The following AKAP19 variants were observed in gnomAD, a reference collection of about 807,000 sequenced individuals.
AKAP19 encodes the protein A-kinase anchoring protein 19, also known as small A-kinase anchoring protein.
At chr2:190,066,875 C>T in the AKAP19 span, among the ~76,000 whole-genome samples, 4 of 152,126 alleles carry the variant, frequency 2.6e-5, no homozygotes, top group African/African-American at 9.7e-5. Context: ...GTACCTGGCA[C>T]TATGCTAGAT....
At chr2:190,112,071 G>T in the AKAP19 span, among the ~76,000 whole-genome samples, 1 of 151,956 alleles carries the variant, frequency 6.6e-6, no homozygotes, top group South Asian at 2.1e-4. Flanking sequence ...CTGATTTTTT[G>T]TGTTTTTAGT....
chr2:190,196,008 T>C, the AKAP19 span, among the ~76,000 whole-genome samples: 1 of 144,822 alleles, frequency 6.9e-6, no homozygotes, highest in Non-Finnish European at 1.5e-5. Context: ...GAAAAGACTA[T>C]GTATGTGTGG....
the AKAP19 span, among the ~76,000 whole-genome samples, chr2:189,892,534 C>A: frequency 1.1e-4 from 16 of 152,138 alleles, no homozygotes; most frequent in African/African-American, 3.6e-4. Flanking sequence ...CATTCCAGAC[C>A]CTGTTTGCAT....
the AKAP19 span, among the ~76,000 whole-genome samples, chr2:190,148,606 G>C: frequency 5.3e-5 from 8 of 152,128 alleles, no homozygotes; most frequent in Non-Finnish European, 1.0e-4. Context: ...TGAATGTCTG[G>C]TAGAATTCTG....
At chr2:189,997,333 G>A in the AKAP19 span, among the ~76,000 whole-genome samples, 1 of 152,150 alleles carries the variant, frequency 6.6e-6, no homozygotes, top group South Asian at 2.1e-4. Context: ...GATGGATGGG[G>A]CCGTAAAGCT....
At chr2:190,032,236 G>A in the AKAP19 span, among the ~76,000 whole-genome samples, 1 of 152,082 alleles carries the variant, frequency 6.6e-6, no homozygotes, top group Non-Finnish European at 1.5e-5. Context: ...TACTAGAATT[G>A]ACATAACTCT....
At chr2:189,939,192 AAATC>A in the AKAP19 span, among the ~76,000 whole-genome samples, 4 of 152,230 alleles carry the variant, frequency 2.6e-5, no homozygotes, top group Non-Finnish European at 4.4e-5. Flanking sequence ...AGGAGATGCC[AAATC>A]AATCAGTGTG....
At chr2:190,095,942 C>T in the AKAP19 span, among the ~76,000 whole-genome samples, 1 of 152,198 alleles carries the variant, frequency 6.6e-6, no homozygotes, top group Admixed American at 6.5e-5. Flanking sequence ...CTGGACCCCA[C>T]AAGCATAAAT....
chr2:190,004,686 C>T, the AKAP19 span, among the ~76,000 whole-genome samples: 4 of 151,756 alleles, frequency 2.6e-5, no homozygotes, highest in Non-Finnish European at 5.9e-5. Context: ...TTTCACGGAA[C>T]CTTGCCCTCC....
At chr2:190,168,281 T>A in the AKAP19 span, among the ~76,000 whole-genome samples, 1 of 152,110 alleles carries the variant, frequency 6.6e-6, no homozygotes, top group Non-Finnish European at 1.5e-5. Flanking sequence ...GCACCAAGTC[T>A]CTAGACCACA....
the AKAP19 span, among the ~76,000 whole-genome samples, chr2:189,925,183 A>C: frequency 6.6e-6 from 1 of 152,186 alleles, no homozygotes; most frequent in African/African-American, 2.4e-5. Context: ...GAACATGTCC[A>C]ACTGGATGTC....
At chr2:189,932,498 C>T in the AKAP19 span, among the ~76,000 whole-genome samples, 1 of 151,572 alleles carries the variant, frequency 6.6e-6, no homozygotes, top group Admixed American at 6.6e-5. Flanking sequence ...ATATATATAC[C>T]ACATTTATTA....
the AKAP19 span, among the ~76,000 whole-genome samples, chr2:190,175,900 G>C: frequency 6.6e-6 from 1 of 152,184 alleles, no homozygotes; most frequent in East Asian, 1.9e-4. Flanking sequence ...TAGGCCTTTG[G>C]AGCTGTTCCC....
the AKAP19 span, among the ~76,000 whole-genome samples, chr2:190,058,704 G>A: frequency 2.0e-4 from 30 of 151,980 alleles, no homozygotes; most frequent in Non-Finnish European, 4.3e-4. Flanking sequence ...GTCTTTTGCA[G>A]CAAATTAGAT....
the AKAP19 span, among the ~76,000 whole-genome samples, chr2:190,016,350 C>A: frequency 1.3e-5 from 2 of 152,118 alleles, no homozygotes; most frequent in Admixed American, 6.5e-5. Flanking sequence ...CAGCAGGTGA[C>A]AGAGAGCCAA....
the AKAP19 span, among the ~76,000 whole-genome samples, chr2:189,996,027 A>G: frequency 2.0e-5 from 3 of 152,162 alleles, no homozygotes; most frequent in Non-Finnish European, 2.9e-5. Context: ...ATCTCTTAAG[A>G]TTCTTTCCTT....
At chr2:189,973,321 C>T in the AKAP19 span, among the ~76,000 whole-genome samples, 1 of 152,068 alleles carries the variant, frequency 6.6e-6, no homozygotes, top group Non-Finnish European at 1.5e-5. Context: ...GCCTTCCATC[C>T]CAGGGATGAA....
chr2:189,991,971 T>C, the AKAP19 span, among the ~76,000 whole-genome samples: 1 of 152,162 alleles, frequency 6.6e-6, no homozygotes, highest in Admixed American at 6.5e-5. Flanking sequence ...GCCCAGTTTA[T>C]ATTTTTATTT....
chr2:189,906,889 C>T, the AKAP19 span, among the ~76,000 whole-genome samples: 3 of 152,126 alleles, frequency 2.0e-5, no homozygotes, highest in Non-Finnish European at 4.4e-5. Context: ...ATTTCAATTT[C>T]ATGTGAAGAT....
Sources: gnomAD v4.1 joint callset for allele counts (sites outside exome capture counted in the v4.1 genomes callset) on GRCh38, gnomAD v4.1.1 for gene constraint, MANE v1.5 for transcripts, NCBI Gene and HGNC (gene_info 2026-07-23, HGNC 2026-07-21) for gene names.